Variants in NUP214 observed in about 807,000 individuals in gnomAD.
The protein encoded by NUP214 is nuclear pore complex protein Nup214.
A neutral mutation model predicts 196.2 loss-of-function variants in NUP214; 79 were observed. The ratio of observed to expected loss-of-function variants is 0.40; its 90% CI spans 0.34 to 0.49. NUP214 has a LOEUF of 0.49. Among genes scored for constraint, NUP214 ranks in the 20% least tolerant of loss-of-function variants. The probability of loss-of-function intolerance (pLI) is 0.58; values close to 1 mark genes in which losing one functional copy is unlikely to be tolerated. For synonymous variants in NUP214, 1,020 were observed against 990.5 expected (o/e 1.03, Z -0.56); for missense variants, 2,468 against 2,539.0 (o/e 0.97, Z 0.60).
At position 131,223,737 on chromosome 9, in the gene NUP214, T is replaced by A. The variant is rs1464024577; in HGVS notation, c.5902+807T>A. Among the ~76,000 whole-genome samples, 114 of 37,552 alleles carry A rather than the reference T, an allele frequency of 3.0e-3. 5 individuals are homozygous for A. The highest frequency in any genetic ancestry group is 5.6e-3 in the African/African-American group (75 of 13,462). The allele number at this position is 37,552 out of a possible 152,430, so 24.6% of individuals were successfully genotyped here. A position where few individuals can be genotyped will look rare whatever the true frequency, so the allele number is the denominator to read the frequency against. ...TTTATTTATTTATTTATTTTTTTTT[T>A]TTTTTTTTTTTTTTTGAGACGGAGT... On this transcript the variant is annotated intron_variant, in intron 32 of 35. Coordinates refer to ENST00000359428, the MANE Select transcript of NUP214 (RefSeq NM_005085.4).
chr9:131,160,827 A>C (rs929903654), intron 18 of NUP214, among the ~76,000 whole-genome samples: 6 of 152,210 alleles, frequency 3.9e-5, no homozygotes, highest in Admixed American at 3.9e-4. Flanking sequence ...TAGAAGTGAG[A>C]AGCTCTCCTC....
At chr9:131,144,898 A>C in intron 12 of NUP214, 144 bp downstream of exon 12, 1 of 637,988 alleles carries the variant, frequency 1.6e-6, no homozygotes, top group East Asian at 2.8e-5. Context: ...CAAAAATTCA[A>C]CCAACATAAA....
At chr9:131,162,794 C>G in intron 18 of NUP214, 197 bp from the exon 19 acceptor site, 1 of 590,348 alleles carries the variant, frequency 1.7e-6, no homozygotes, top group Non-Finnish European at 2.9e-6. Flanking sequence ...CAGCTGTTTT[C>G]TCCACATTCC....
At chr9:131,147,459 A>G (rs1832117235) in intron 13 of NUP214, 31 bp from the exon 14 acceptor site, 1 of 1,492,776 alleles carries the variant, frequency 6.7e-7, no homozygotes, top group Non-Finnish European at 9.2e-7. Flanking sequence ...AATAAATGCC[A>G]TCTATTTTAA....
rs757290329 is a variant in NUP214, at chr9:131,140,537, C to T, written c.1133-12C>T. 7 of 1,588,966 alleles carry T rather than the reference C, an allele frequency of 4.4e-6. No homozygotes were observed. The highest frequency in any genetic ancestry group is 5.1e-6 in the Non-Finnish European group (6 of 1,172,616). On this transcript the variant is annotated splice_polypyrimidine_tract_variant and intron_variant, in intron 10 of 35. Transcript: ENST00000359428. ...CACTTGGTTTTTTTATTTTTGTTTT[C>T]TTTTTTAACAGGTGATGAAAAGACT...
chr9:131,221,243 A>G (rs1168160414), intron 31 of NUP214, among the ~76,000 whole-genome samples: 1 of 152,184 alleles, frequency 6.6e-6, no homozygotes. Context: ...GGGTGATACA[A>G]AGGGATTTCT....
chr9:131,203,708 A>G (rs978260053), intron 30 of NUP214, among the ~76,000 whole-genome samples: 3 of 152,208 alleles, frequency 2.0e-5, no homozygotes, highest in Non-Finnish European at 4.4e-5. Flanking sequence ...AAACTACTAA[A>G]AAATGCTAGA....
chr9:131,181,221 G>A (rs1006738550), intron 24 of NUP214, among the ~76,000 whole-genome samples: 1 of 152,234 alleles, frequency 6.6e-6, no homozygotes, highest in Non-Finnish European at 1.5e-5. Context: ...TAGCAGGAGC[G>A]TGTCTACAAG....
chr9:131,200,333 CGGGAGGCCGA>C (rs1564207436), intron 29 of NUP214, among the ~76,000 whole-genome samples: 1 of 152,190 alleles, frequency 6.6e-6, no homozygotes, highest in Non-Finnish European at 1.5e-5. Flanking sequence ...CCCAGCAATT[CGGGAGGCCGA>C]GGCAGGGGAA....
chr9:131,216,435 G>A (rs972880385), intron 31 of NUP214, among the ~76,000 whole-genome samples: 12 of 148,624 alleles, frequency 8.1e-5, no homozygotes, highest in Middle Eastern at 3.8e-3. Flanking sequence ...CACCATGTTA[G>A]CCAGGAGGTC....
intron 32 of NUP214, among the ~76,000 whole-genome samples, chr9:131,227,872 T>A (rs2131104737): frequency 6.6e-6 from 1 of 151,962 alleles, no homozygotes; most frequent in Non-Finnish European, 1.5e-5. Flanking sequence ...TCACAGGGTC[T>A]GCAGGAGCTC....
chr9:131,184,281 T>C (rs2131017885), intron 24 of NUP214, among the ~76,000 whole-genome samples: 2 of 151,590 alleles, frequency 1.3e-5, no homozygotes, highest in South Asian at 4.2e-4. Context: ...TCCACCCACC[T>C]TGGCCTCCCA....
chr9:131,166,925 G>A (rs985811579), intron 21 of NUP214, among the ~76,000 whole-genome samples: 7 of 152,118 alleles, frequency 4.6e-5, no homozygotes, highest in South Asian at 4.2e-4. Flanking sequence ...TGAAGACAAC[G>A]CCCCTTATTC....
At chr9:131,204,737 G>C (rs1834032524) in intron 30 of NUP214, among the ~76,000 whole-genome samples, 1 of 152,116 alleles carries the variant, frequency 6.6e-6, no homozygotes, top group Non-Finnish European at 1.5e-5. Flanking sequence ...GGAGAAGAGA[G>C]AAAGACAGAA....
chr9:131,145,995 T>C lies in NUP214; in HGVS notation c.1770-134T>C, dbSNP rs1832077131. 3.5e-6 allele frequency: 3 copies of C among 857,696 alleles called. No homozygotes were observed. The African/African-American group carries it at 5.0e-5, about 14-fold the overall frequency. 53.1% of individuals were successfully genotyped at this position (857,696 alleles called of 1,614,324 possible). ...GAAATAGCTAAACATTTTTGTTTCC[T>C]GAAGGCAAAAAGTATGTTATCTTTG... On this transcript the variant is annotated intron_variant, in intron 12 of 35. Coordinates refer to ENST00000359428, the MANE Select transcript of NUP214 (RefSeq NM_005085.4).
intron 12 of NUP214, among the ~76,000 whole-genome samples, chr9:131,145,330 T>A (rs1832058029): frequency 1.3e-5 from 2 of 152,174 alleles, no homozygotes; most frequent in South Asian, 4.1e-4. Context: ...TGTTCTTTTC[T>A]TCCCACTAGA....
chr9:131,184,571 A>C (rs890251857), intron 24 of NUP214, among the ~76,000 whole-genome samples: 17 of 151,364 alleles, frequency 1.1e-4, no homozygotes, highest in Admixed American at 3.3e-4. Flanking sequence ...CCTGACCTCA[A>C]GTGATACACC....
rs754612324 is a variant in NUP214 at position 131,140,681 on chromosome 9, T to C, written c.1265T>C (p.Leu422Ser). The C allele has an allele frequency of 7.4e-6, 12 of 1,613,884 alleles. No individual in the cohort carries two copies. In the South Asian group the frequency reaches 9.9e-5, roughly 13 times the overall value. ...SLIKTPERLS[L>S]EGERQPKSPG... Reference sequence around the variant, plus strand: ...ATCAAAACACCAGAGCGACTTTCATTAGAAGGAGAGCGACAGCCCAAGTCA... The same window carrying C: ...ATCAAAACACCAGAGCGACTTTCATCAGAAGGAGAGCGACAGCCCAAGTCA... The change falls in exon 11 of 36, where the codon TTA becomes TCA. Residue 422 changes from leucine (L) to serine (S), a missense_variant. By Grantham distance (145) the Leu-to-Ser change is moderately radical. Coordinates refer to ENST00000359428, the MANE Select transcript of NUP214 (RefSeq NM_005085.4).
At chr9:131,162,245 TGTC>T (rs1832662242) in intron 18 of NUP214, among the ~76,000 whole-genome samples, 1 of 152,228 alleles carries the variant, frequency 6.6e-6, no homozygotes, top group South Asian at 2.1e-4. Flanking sequence ...TTGACCAAAA[TGTC>T]GTTATGTGGC....
Sources: gnomAD v4.1 joint callset for allele counts (sites outside exome capture counted in the v4.1 genomes callset) on GRCh38, gnomAD v4.1.1 for gene constraint, MANE v1.5 for transcripts, NCBI Gene and HGNC (gene_info 2026-07-23, HGNC 2026-07-21) for gene names.